The following NKAIN2 variants were observed in gnomAD, a reference collection of about 807,000 sequenced individuals.
NKAIN2 encodes the protein sodium/potassium transporting ATPase interacting 2, also known as sodium/potassium-transporting ATPase subunit beta-1-interacting protein 2.
A neutral mutation model predicts 32.6 loss-of-function variants in NKAIN2; 14 were observed. That is an observed-to-expected ratio of 0.43 (90% CI 0.28 to 0.67). NKAIN2 has a LOEUF of 0.67. NKAIN2 is among the 30% of genes least tolerant of loss of function. The pLI is 0.17. For synonymous variants in NKAIN2, 80 were observed against 87.2 expected (o/e 0.92, Z 0.46); for missense variants, 198 against 258.3 (o/e 0.77, Z 1.60).
chr6:124,353,622 G>T (rs2115137773), intron 2 of NKAIN2, among the ~76,000 whole-genome samples: 1 of 152,210 alleles, frequency 6.6e-6, no homozygotes, highest in Admixed American at 6.5e-5. Context: ...GGGCATAGTG[G>T]CAGGCGCCTG....
At chr6:124,418,838 A>G (rs1774617667) in intron 3 of NKAIN2, among the ~76,000 whole-genome samples, 1 of 151,596 alleles carries the variant, frequency 6.6e-6, no homozygotes, top group African/African-American at 2.4e-5. Flanking sequence ...GGATCATTTG[A>G]TTTGGTTCTT....
At chr6:124,052,523 C>T (rs920355732) in intron 1 of NKAIN2, among the ~76,000 whole-genome samples, 2 of 152,006 alleles carry the variant, frequency 1.3e-5, no homozygotes, top group South Asian at 2.1e-4. Flanking sequence ...CTCAATACTA[C>T]TCTGTTGTTG....
chr6:123,991,734 C>T (rs543255761), intron 1 of NKAIN2, among the ~76,000 whole-genome samples: 18 of 151,970 alleles, frequency 1.2e-4, no homozygotes, highest in South Asian at 4.2e-4. Flanking sequence ...TGGTGGTGGG[C>T]GCCTGTAGTC....
At chr6:124,522,295 A>G (rs1014968225) in intron 3 of NKAIN2, among the ~76,000 whole-genome samples, 1 of 152,170 alleles carries the variant, frequency 6.6e-6, no homozygotes, top group Non-Finnish European at 1.5e-5. Context: ...TTCAGCATGT[A>G]TTTCATATAA....
intron 3 of NKAIN2, among the ~76,000 whole-genome samples, chr6:124,576,206 A>G (rs1781328303): frequency 6.6e-6 from 1 of 152,248 alleles, no homozygotes; most frequent in Non-Finnish European, 1.5e-5. Flanking sequence ...ATACTGAAGT[A>G]TGATGGTTGT....
Position 124,557,331 on chromosome 6 carries a change from T to C in NKAIN2, c.274-100855T>C, listed in dbSNP as rs144095198. 3.9e-4 allele frequency among the ~76,000 whole-genome samples: 60 copies of C among 152,284 alleles called. 1 individual carries two copies. Among genetic ancestry groups the C allele is most frequent in the African/African-American group, 1.3e-3 (55 of 41,570 alleles). On this transcript the variant is annotated intron_variant, in intron 3 of 6. Coordinates refer to ENST00000368417, the MANE Select transcript of NKAIN2 (RefSeq NM_001040214.3). ...AAAAAAGTAGAGATTTTTCTAAAGA[T>C]GACTTGCCTTTCCCTAAAAAAAAAC...
rs1788909345 is a variant in NKAIN2, at chr6:124,171,980, T to C, written c.55-111025T>C. Among the ~76,000 whole-genome samples the C allele has an allele frequency of 2.0e-5, 3 of 151,346 alleles. 1 individual carries two copies. The South Asian group carries it at 6.3e-4, about 32-fold the overall frequency. On this transcript the variant is annotated intron_variant, in intron 1 of 6. Coordinates refer to ENST00000368417, the MANE Select transcript of NKAIN2 (RefSeq NM_001040214.3). Reference sequence around the variant, plus strand: ...GGCACATGCTGCCACGCCCAGCTAATTTTTTGTATTTTTAGTAGAGACGGG... The same window carrying C: ...GGCACATGCTGCCACGCCCAGCTAACTTTTTGTATTTTTAGTAGAGACGGG...
At chr6:124,294,392 C>A (rs551504134) in intron 2 of NKAIN2, among the ~76,000 whole-genome samples, 1 of 152,230 alleles carries the variant, frequency 6.6e-6, no homozygotes, top group Admixed American at 6.6e-5. Context: ...ATTCATAGCA[C>A]ACAGTCTGTT....
intron 4 of NKAIN2, among the ~76,000 whole-genome samples, chr6:124,753,050 G>T (rs1777797120): frequency 6.6e-6 from 1 of 152,020 alleles, no homozygotes; most frequent in Admixed American, 6.6e-5. Flanking sequence ...GGTGAGGTTA[G>T]GTTCTTTACG....
intron 3 of NKAIN2, among the ~76,000 whole-genome samples, chr6:124,625,685 T>C (rs1783295874): frequency 7.4e-6 from 1 of 134,484 alleles, no homozygotes; most frequent in Non-Finnish European, 1.6e-5. Flanking sequence ...GAGCACCTAC[T>C]TTGTGCTGAA....
chr6:124,395,218 C>T (rs918027497), intron 3 of NKAIN2, among the ~76,000 whole-genome samples: 1 of 152,072 alleles, frequency 6.6e-6, no homozygotes, highest in Non-Finnish European at 1.5e-5. Flanking sequence ...AATATGCTTG[C>T]CAACACTGTC....
chr6:124,116,862 AT>A (rs1239300229), intron 1 of NKAIN2, among the ~76,000 whole-genome samples: 3 of 152,104 alleles, frequency 2.0e-5, no homozygotes, highest in African/African-American at 7.2e-5. Context: ...TATTTAGTTA[AT>A]GTTTATGAAT....
At chr6:124,688,285 T>G (rs1774087539) in intron 4 of NKAIN2, among the ~76,000 whole-genome samples, 1 of 152,086 alleles carries the variant, frequency 6.6e-6, no homozygotes, top group Admixed American at 6.6e-5. Flanking sequence ...AGCCATTCCT[T>G]TTTCTGATTC....
intron 3 of NKAIN2, among the ~76,000 whole-genome samples, chr6:124,597,388 A>G (rs972844979): frequency 1.4e-4 from 21 of 151,386 alleles, no homozygotes; most frequent in African/African-American, 5.1e-4. Context: ...ATACTAATAT[A>G]AAGTATTAAT....
At chr6:124,762,653 A>G (rs1778325308) in intron 4 of NKAIN2, among the ~76,000 whole-genome samples, 1 of 152,226 alleles carries the variant, frequency 6.6e-6, no homozygotes, top group Admixed American at 6.5e-5. Context: ...GAGCTAGACC[A>G]CAAGAGGATA....
intron 1 of NKAIN2, among the ~76,000 whole-genome samples, chr6:123,957,436 G>A (rs1458854096): frequency 2.0e-5 from 3 of 152,086 alleles, no homozygotes; most frequent in Middle Eastern, 3.4e-3. Flanking sequence ...AAATATATTC[G>A]TTGAATACAT....
intron 3 of NKAIN2, among the ~76,000 whole-genome samples, chr6:124,614,955 A>C (rs1235303819): frequency 6.6e-6 from 1 of 152,194 alleles, no homozygotes; most frequent in Non-Finnish European, 1.5e-5. Context: ...GGCCTCTATC[A>C]CACTCACAGT....
chr6:124,479,789 C>T (rs1409265050), intron 3 of NKAIN2, among the ~76,000 whole-genome samples: 1 of 150,262 alleles, frequency 6.7e-6, no homozygotes, highest in Non-Finnish European at 1.5e-5. Flanking sequence ...TATTTTTTTT[C>T]AACTCAGGCA....
chr6:124,736,574 A>G (rs996308449), intron 4 of NKAIN2, among the ~76,000 whole-genome samples: 2 of 151,982 alleles, frequency 1.3e-5, no homozygotes, highest in African/African-American at 4.8e-5. Flanking sequence ...TAACAAGTTG[A>G]AGCCAAGACT....
Sources: allele counts gnomAD v4.1 joint callset (sites outside exome capture counted in the v4.1 genomes callset), GRCh38; gene constraint gnomAD v4.1.1; transcripts MANE v1.5; gene names NCBI Gene and HGNC (gene_info 2026-07-23, HGNC 2026-07-21).